The following CDH8 variants were observed in gnomAD, a reference collection of about 807,000 sequenced individuals.
The protein encoded by CDH8 is cadherin 8.
A neutral mutation model predicts 68.1 loss-of-function variants in CDH8; 17 were observed. The ratio of observed to expected loss-of-function variants is 0.25; its 90% CI spans 0.17 to 0.37. The LOEUF (loss-of-function observed/expected upper bound fraction) is 0.37, where lower values mean the gene tolerates loss of function less well. CDH8 is among the 10% of genes least tolerant of loss of function. The pLI is 1.00. For missense variants in CDH8, 763 were observed against 999.3 expected, an observed-to-expected ratio of 0.76 and a Z score of 3.19; for synonymous variants, 372 against 365.1, an observed-to-expected ratio of 1.02 and a Z score of -0.21.
chr16:61,870,688 A>G (rs546836253), intron 3 of CDH8, among the ~76,000 whole-genome samples: 28 of 152,320 alleles, frequency 1.8e-4, no homozygotes, highest in African/African-American at 6.5e-4. Flanking sequence ...TGCCAAGGTT[A>G]AGAGCATACC....
intron 8 of CDH8, among the ~76,000 whole-genome samples, chr16:61,773,776 A>G (rs1460123685): frequency 1.3e-5 from 2 of 152,148 alleles, no homozygotes; most frequent in Non-Finnish European, 2.9e-5. Context: ...AGGAGCAGGC[A>G]TAACTTATTC....
At chr16:62,030,493 T>C (rs1272282806) in intron 1 of CDH8, among the ~76,000 whole-genome samples, 2 of 152,164 alleles carry the variant, frequency 1.3e-5, no homozygotes, top group East Asian at 3.9e-4. Context: ...AAATGTGCCT[T>C]CGTACTTTAT....
intron 2 of CDH8, among the ~76,000 whole-genome samples, chr16:62,003,338 G>C (rs533950609): frequency 6.6e-6 from 1 of 152,098 alleles, no homozygotes; most frequent in Non-Finnish European, 1.5e-5. Flanking sequence ...TTAAAATTTT[G>C]CACAAAAGAT....
At chr16:61,689,699 T>C (rs1964180440) in intron 10 of CDH8, among the ~76,000 whole-genome samples, 1 of 152,076 alleles carries the variant, frequency 6.6e-6, no homozygotes, top group Non-Finnish European at 1.5e-5. Context: ...TTCATTATGA[T>C]TGCAGAATCT....
At chr16:61,899,774 G>A (rs1963934360) in intron 3 of CDH8, among the ~76,000 whole-genome samples, 1 of 150,762 alleles carries the variant, frequency 6.6e-6, no homozygotes, top group African/African-American at 2.4e-5. Context: ...TTCTACAAAA[G>A]ATTTTTCTTT....
At chr16:61,820,359 G>C (rs1323865199) in intron 6 of CDH8, among the ~76,000 whole-genome samples, 1 of 126,208 alleles carries the variant, frequency 7.9e-6, no homozygotes, top group East Asian at 2.5e-4. Flanking sequence ...TGAATGTACA[G>C]CCTTCAATAA....
intron 10 of CDH8, among the ~76,000 whole-genome samples, chr16:61,671,344 T>A (rs1195030695): frequency 6.6e-6 from 1 of 151,832 alleles, no homozygotes; most frequent in Non-Finnish European, 1.5e-5. Flanking sequence ...GATCAAGCCG[T>A]CAGAGGCTCC....
chr16:61,660,451 G>A (rs1963533269), intron 10 of CDH8, among the ~76,000 whole-genome samples: 1 of 151,914 alleles, frequency 6.6e-6, no homozygotes, highest in Non-Finnish European at 1.5e-5. Flanking sequence ...GAAATAAGCA[G>A]AGCCTCAAAA....
intron 3 of CDH8, among the ~76,000 whole-genome samples, chr16:61,875,497 T>G (rs990572098): frequency 6.6e-6 from 1 of 152,172 alleles, no homozygotes; most frequent in African/African-American, 2.4e-5. Context: ...ACGGGACTAT[T>G]ATATTGAATC....
intron 2 of CDH8, among the ~76,000 whole-genome samples, chr16:61,979,436 A>T (rs1261383555): frequency 6.6e-6 from 1 of 152,180 alleles, no homozygotes; most frequent in Non-Finnish European, 1.5e-5. Context: ...TGGGTGCCTC[A>T]ATTCTACCAT....
chr16:61,880,372 T>G (rs1597037906), intron 3 of CDH8, among the ~76,000 whole-genome samples: 1 of 152,174 alleles, frequency 6.6e-6, no homozygotes, highest in East Asian at 1.9e-4. Flanking sequence ...AGCAAATCTA[T>G]GAGGCAGTGA....
intron 9 of CDH8, among the ~76,000 whole-genome samples, chr16:61,719,058 T>A (rs1959199090): frequency 6.6e-6 from 1 of 151,224 alleles, no homozygotes; most frequent in Non-Finnish European, 1.5e-5. Context: ...TTTTTGATAA[T>A]TTGCATGGCA....
chr16:61,818,140 A>T (rs776268271), intron 6 of CDH8: 1 of 162,960 alleles, frequency 6.1e-6, no homozygotes, highest in Non-Finnish European at 1.3e-5. Context: ...GTCTGGGAAG[A>T]ATATTTTATC....
At chr16:61,730,562 C>A (rs986418363) in intron 8 of CDH8, among the ~76,000 whole-genome samples, 26 of 151,286 alleles carry the variant, frequency 1.7e-4, no homozygotes, top group African/African-American at 6.1e-4. Context: ...AATTTGGAAC[C>A]CACTTTTTAT....
At chr16:61,895,676 T>C (rs1963857937) in intron 3 of CDH8, among the ~76,000 whole-genome samples, 2 of 152,164 alleles carry the variant, frequency 1.3e-5, no homozygotes, top group South Asian at 4.1e-4. Context: ...TTGAGTAAAA[T>C]AGGATTCATT....
In CDH8 at chr16:61,649,871, G is replaced by T. The variant is rs1253800401; in HGVS notation, c.*3737C>A. 6.6e-6 allele frequency: 1 copy of T among 152,054 alleles called. No individual in the cohort carries two copies. Among genetic ancestry groups the T allele is most frequent in the Admixed American group, 6.6e-5 (1 of 15,240 alleles). 9.4% of individuals were successfully genotyped at this position (152,054 alleles called of 1,614,324 possible). On this transcript the variant is annotated 3_prime_UTR_variant, in exon 12 of 12. Transcript: ENST00000577390. ...TTGAGTCTCAGTGTGGAATCCAGCT[G>T]CTCCTAGGAGATTTCTAAGTCTCAT...
At chr16:61,730,200 G>A (rs934017174) in intron 8 of CDH8, among the ~76,000 whole-genome samples, 9 of 151,414 alleles carry the variant, frequency 5.9e-5, no homozygotes, top group African/African-American at 2.2e-4. Flanking sequence ...CATAAAGAAT[G>A]AACAAACTCC....
At chr16:61,989,072 T>A (rs2150587847) in intron 2 of CDH8, among the ~76,000 whole-genome samples, 1 of 152,302 alleles carries the variant, frequency 6.6e-6, no homozygotes, top group East Asian at 1.9e-4. Context: ...AAAGTTCCTT[T>A]GATTATGTGA....
At chr16:61,707,511 T>G (rs1296646236) in intron 10 of CDH8, among the ~76,000 whole-genome samples, 1 of 152,138 alleles carries the variant, frequency 6.6e-6, no homozygotes, top group Non-Finnish European at 1.5e-5. Flanking sequence ...AGACAATTTT[T>G]TTCATGTTTA....
Sources: gnomAD v4.1 joint callset for allele counts (sites outside exome capture counted in the v4.1 genomes callset) on GRCh38, gnomAD v4.1.1 for gene constraint, MANE v1.5 for transcripts, NCBI Gene and HGNC (gene_info 2026-07-23, HGNC 2026-07-21) for gene names.